GALNT12: variants seen among roughly 807,000 people sequenced by gnomAD.
The protein encoded by GALNT12 is UDP-GalNAc:polypeptide N-acetylgalactosaminyltransferase 12.
GALNT12 carries 45 observed loss-of-function variants against 55.5 expected under a neutral mutation model. The observed-to-expected ratio is 0.81, with a 90% CI of 0.64 to 1.04. GALNT12 has a LOEUF of 1.04. GALNT12 is among the 50% of genes least tolerant of loss of function. The probability of loss-of-function intolerance (pLI) is 0.00; values close to 1 mark genes in which losing one functional copy is unlikely to be tolerated. For missense variants in GALNT12, 709 were observed against 754.8 expected, an observed-to-expected ratio of 0.94 and a Z score of 0.71; for synonymous variants, 304 against 312.2, an observed-to-expected ratio of 0.97 and a Z score of 0.28.
At chr9:98,817,092 C>T (rs1418756891) in intron 1 of GALNT12, among the ~76,000 whole-genome samples, 1 of 152,134 alleles carries the variant, frequency 6.6e-6, no homozygotes, top group Admixed American at 6.5e-5. Context: ...TCCCGAAGTG[C>T]TGGGATTACA....
chr9:98,844,582 G>T, intron 8 of GALNT12: 1 of 278,206 alleles, frequency 3.6e-6, no homozygotes, highest in Non-Finnish European at 6.9e-6. Flanking sequence ...CTGCCTCCCT[G>T]TCTTTGCAAT....
chr9:98,817,967 A>G (rs1007492402), intron 1 of GALNT12, among the ~76,000 whole-genome samples: 4 of 152,224 alleles, frequency 2.6e-5, no homozygotes, highest in Non-Finnish European at 5.9e-5. Flanking sequence ...ATGACACACC[A>G]GCATAACAAA....
chr9:98,844,961 A>T (rs901440584), intron 8 of GALNT12, among the ~76,000 whole-genome samples: 4 of 152,166 alleles, frequency 2.6e-5, no homozygotes, highest in Non-Finnish European at 5.9e-5. Flanking sequence ...AGACACCAGG[A>T]AACAAAGGGA....
At chr9:98,843,945 T>C in intron 7 of GALNT12, 151 bp from the exon 8 acceptor site, 2 of 637,878 alleles carry the variant, frequency 3.1e-6, no homozygotes. Flanking sequence ...CTTTTAAAGC[T>C]AGAAGGTGCT....
At chr9:98,837,228 G>A (rs2118453045) in intron 6 of GALNT12, 80 bp downstream of exon 6, 3 of 1,348,872 alleles carry the variant, frequency 2.2e-6, no homozygotes, top group Non-Finnish European at 2.1e-6. Flanking sequence ...CAACATAGTC[G>A]ATCTGGTTCC....
rs771421585 is a variant in GALNT12, at chr9:98,835,360, C to T, written c.1029C>T (p.Ser343=). ...GGGGAGGAGAAAACCTCGAATTTTC[C>T]TTTAGGGTAAGTATTTCAGTCTTCT... is the stretch of plus-strand genomic sequence containing the variant. ...EVWGGENLEF[S]FRIWQCGGVL... is the part of the protein sequence containing the mutation. The change falls in exon 5 of 10, where the codon TCC becomes TCT. Residue 343 remains serine (S), a synonymous_variant. Transcript: ENST00000375011. 2.5e-6 allele frequency: 4 copies of T among 1,569,622 alleles called. No individual in the cohort carries two copies. In the South Asian group the frequency reaches 3.3e-5, roughly 13 times the overall value.
chr9:98,823,181 G>T, intron 1 of GALNT12, 75 bp from the exon 2 acceptor site: 1 of 1,342,494 alleles, frequency 7.4e-7, no homozygotes. Context: ...CATGACCTAT[G>T]TCCCCTTTGT....
Position 98,820,969 on chromosome 9 carries a change from A to G in GALNT12, c.372-2287A>G, listed in dbSNP as rs533894951. The stretch of plus-strand genomic sequence containing the variant: ...GAGTCCTTACCTGTTAGAGACACAT[A>G]TCGAACTATTTTTGGATGCTACAGT... On this transcript the variant is annotated intron_variant, in intron 1 of 9. Coordinates refer to ENST00000375011, the MANE Select transcript of GALNT12 (RefSeq NM_024642.5). Among the ~76,000 whole-genome samples the G allele has an allele frequency of 7.9e-5, 12 of 152,304 alleles. No individual in the cohort carries two copies. The South Asian group carries it at 1.5e-3, about 18-fold the overall frequency.
At chr9:98,812,357 G>A (rs951555158) in intron 1 of GALNT12, among the ~76,000 whole-genome samples, 3 of 152,058 alleles carry the variant, frequency 2.0e-5, no homozygotes, top group East Asian at 1.9e-4. Context: ...TTGGAAGGCC[G>A]AGGTGGGTGG....
intron 3 of GALNT12, among the ~76,000 whole-genome samples, chr9:98,831,270 A>G (rs967791364): frequency 6.6e-6 from 1 of 152,242 alleles, no homozygotes; most frequent in African/African-American, 2.4e-5. Context: ...CTCTGAATGG[A>G]TATTATAATT....
intron 1 of GALNT12, among the ~76,000 whole-genome samples, chr9:98,818,768 G>A (rs1385931941): frequency 6.6e-6 from 1 of 152,174 alleles, no homozygotes; most frequent in Non-Finnish European, 1.5e-5. Context: ...TTTATGGTAT[G>A]TATTACTGCA....
At chr9:98,820,093 T>TC (rs919764175) in intron 1 of GALNT12, among the ~76,000 whole-genome samples, 14 of 152,298 alleles carry the variant, frequency 9.2e-5, no homozygotes, top group African/African-American at 3.4e-4. Flanking sequence ...TGTCTTTTTT[T>TC]CCCCCCAGGT....
chr9:98,817,709 G>T (rs550803037), intron 1 of GALNT12, among the ~76,000 whole-genome samples: 6 of 151,950 alleles, frequency 3.9e-5, no homozygotes, highest in Non-Finnish European at 8.8e-5. Context: ...TGATCCACCC[G>T]CCTCAGCCTC....
chr9:98,848,999 G>T lies in GALNT12; in HGVS notation c.1653G>T (p.Ala551=). The T allele has an allele frequency of 6.2e-7, 1 of 1,614,204 alleles. No homozygotes were observed. The highest frequency in any genetic ancestry group is 8.5e-7 in the Non-Finnish European group (1 of 1,180,024). Residue 551 remains alanine, a synonymous_variant, in exon 10 of 10, where the codon GCG becomes GCT. Transcript: ENST00000375011. Reference sequence around the variant, plus strand: ...AGTCCAAGAAATGTGTCCAGGCTGCGAGGAAGGAGTCGAGTGACAGTTTCG... The same window carrying T: ...AGTCCAAGAAATGTGTCCAGGCTGCTAGGAAGGAGTCGAGTGACAGTTTCG... ...HEQSKKCVQA[A]RKESSDSFVP...
intron 2 of GALNT12, among the ~76,000 whole-genome samples, chr9:98,826,087 G>A (rs926276320): frequency 6.6e-6 from 1 of 152,122 alleles, no homozygotes; most frequent in African/African-American, 2.4e-5. Flanking sequence ...ATTTGGAGCC[G>A]GGTTCCCCTC....
Position 98,837,137 on chromosome 9 carries a change from C to T in GALNT12, c.1201C>T (p.Arg401Cys), listed in dbSNP as rs1060502968. The change falls in exon 6 of 10, where the codon CGT becomes TGT. Residue 401 changes from arginine to cysteine, a missense_variant. By Grantham distance (180) the Arg-to-Cys change is radical. This residue lies in a region of GALNT12 where 262 missense variants were observed against 310.7 expected (regional missense o/e 0.84). Coordinates refer to ENST00000375011, the MANE Select transcript of GALNT12 (RefSeq NM_024642.5). ...FKELYYHRNP[R>C]ARLEPFGDVT... ...AGAGCTCTACTACCATCGCAACCCCCGTGCCCGCTTGGTGAGTTCCTCGGC... is the reference window on the plus strand; with the variant it reads ...AGAGCTCTACTACCATCGCAACCCCTGTGCCCGCTTGGTGAGTTCCTCGGC... 1.8e-5 allele frequency: 29 copies of T among 1,614,052 alleles called. No homozygotes were observed. The highest frequency in any genetic ancestry group is 1.1e-4 in the East Asian group (5 of 44,886).
intron 7 of GALNT12, among the ~76,000 whole-genome samples, chr9:98,843,556 C>T (rs961193176): frequency 2.6e-5 from 4 of 151,866 alleles, no homozygotes; most frequent in Non-Finnish European, 4.4e-5. Flanking sequence ...ACAGGTGCAC[C>T]CCACCACACC....
At position 98,808,046 on chromosome 9, in the gene GALNT12, C is replaced by T. The variant is rs1232913604; in HGVS notation, c.348C>T (p.Arg116=). Residue 116 remains arginine (R), a synonymous_variant, in exon 1 of 10, where the codon CGC becomes CGT. Transcript: ENST00000375011. ...YLSDRISLHR[R]LPERWNPLCK... is the part of the protein sequence containing the mutation. ...GCGACCGCATCTCACTGCACCGCCG[C>T]CTGCCCGAGCGCTGGAACCCGCTGT... 5 of 1,581,100 alleles carry T rather than the reference C, an allele frequency of 3.2e-6. No homozygotes were observed. Among genetic ancestry groups the T allele is most frequent in the Non-Finnish European group, 3.4e-6 (4 of 1,166,808 alleles).
At chr9:98,811,281 A>G (rs1033096961) in intron 1 of GALNT12, among the ~76,000 whole-genome samples, 11 of 152,380 alleles carry the variant, frequency 7.2e-5, no homozygotes, top group Admixed American at 2.0e-4. Flanking sequence ...CATCATAGTC[A>G]ACTGAGTGGT....
Sources: allele counts gnomAD v4.1 joint callset (sites outside exome capture counted in the v4.1 genomes callset), GRCh38; gene constraint gnomAD v4.1.1; regional missense constraint gnomAD v4.1.1; transcripts MANE v1.5; gene names NCBI Gene and HGNC (gene_info 2026-07-23, HGNC 2026-07-21).